The following CCBE1 variants were observed in gnomAD, a reference collection of about 807,000 sequenced individuals.
The protein encoded by CCBE1 is collagen and calcium-binding EGF domain-containing protein 1.
A neutral mutation model predicts 50.0 loss-of-function variants in CCBE1; 37 were observed. The ratio of observed to expected loss-of-function variants is 0.74; its 90% CI spans 0.57 to 0.97. The LOEUF (loss-of-function observed/expected upper bound fraction) is 0.97, where lower values mean the gene tolerates loss of function less well. Ranked by LOEUF, CCBE1 falls within the 50% of genes least tolerant of loss-of-function variation. The probability of loss-of-function intolerance (pLI) is 0.00; values close to 1 mark genes in which losing one functional copy is unlikely to be tolerated. For missense variants in CCBE1, 538 were observed against 523.8 expected (o/e 1.03, Z -0.26); for synonymous variants, 234 against 203.7 (o/e 1.15, Z -1.27).
intron 2 of CCBE1, among the ~76,000 whole-genome samples, chr18:59,560,516 A>G (rs990871495): frequency 1.3e-5 from 2 of 152,172 alleles, no homozygotes; most frequent in Non-Finnish European, 2.9e-5. Context: ...CTTAAAACCT[A>G]GATGATGGGT....
intron 2 of CCBE1, among the ~76,000 whole-genome samples, chr18:59,662,455 T>A (rs1228466275): frequency 1.3e-5 from 2 of 152,244 alleles, no homozygotes; most frequent in African/African-American, 2.4e-5. Context: ...TGTCATTTCC[T>A]AAATATTTTT....
At chr18:59,627,556 C>T (rs1009984924) in intron 2 of CCBE1, among the ~76,000 whole-genome samples, 3 of 152,176 alleles carry the variant, frequency 2.0e-5, no homozygotes, top group African/African-American at 7.2e-5. Flanking sequence ...TGAGGTCACA[C>T]TGGCTTAGAG....
At chr18:59,561,641 C>T (rs1336291998) in intron 2 of CCBE1, among the ~76,000 whole-genome samples, 1 of 152,196 alleles carries the variant, frequency 6.6e-6, no homozygotes, top group Non-Finnish European at 1.5e-5. Flanking sequence ...CTTGGCTCAG[C>T]TAAACATGGT....
At chr18:59,689,541 A>T (rs2054702065) in intron 2 of CCBE1, among the ~76,000 whole-genome samples, 1 of 152,244 alleles carries the variant, frequency 6.6e-6, no homozygotes, top group African/African-American at 2.4e-5. Context: ...CCCATTCTCT[A>T]CAGGTGTTTC....
intron 2 of CCBE1, among the ~76,000 whole-genome samples, chr18:59,581,217 CG>C (rs2144509846): frequency 6.6e-6 from 1 of 152,156 alleles, no homozygotes; most frequent in African/African-American, 2.4e-5. Context: ...CTGAGGTAGG[CG>C]GATCACGAGG....
chr18:59,628,092 T>G (rs2053810403), intron 2 of CCBE1, among the ~76,000 whole-genome samples: 1 of 152,134 alleles, frequency 6.6e-6, no homozygotes, highest in African/African-American at 2.4e-5. Context: ...TGCATGCCTG[T>G]AGTCCCAGCT....
rs3110309 is a variant in CCBE1 at position 59,541,356 on chromosome 18, G to C, written c.213-61118C>G. On this transcript the variant is annotated intron_variant, in intron 2 of 10. Coordinates refer to ENST00000439986, the MANE Select transcript of CCBE1 (RefSeq NM_133459.4). The stretch of plus-strand genomic sequence containing the variant: ...GAATTTCAACACCATATGTCAGGGA[G>C]GTTTATACCAAACATAGGCAAAAAA... 5.3e-3 allele frequency among the ~76,000 whole-genome samples: 805 copies of C among 152,140 alleles called. 6 individuals carry two copies. Among genetic ancestry groups the C allele is most frequent in the African/African-American group, 0.018 (762 of 41,504 alleles).
intron 2 of CCBE1, among the ~76,000 whole-genome samples, chr18:59,683,671 C>A (rs1218355201): frequency 2.0e-5 from 3 of 151,828 alleles, no homozygotes; most frequent in Non-Finnish European, 4.4e-5. Flanking sequence ...GTACTCCAGC[C>A]TGGGTGACAG....
At chr18:59,616,300 G>A (rs1180496732) in intron 2 of CCBE1, among the ~76,000 whole-genome samples, 1 of 152,178 alleles carries the variant, frequency 6.6e-6, no homozygotes, top group Non-Finnish European at 1.5e-5. Flanking sequence ...AAACAAAGAG[G>A]AGCCAGAGGC....
In CCBE1 at chr18:59,562,876, C is replaced by T. The variant is rs1385072566; in HGVS notation, c.213-82638G>A. ...TGCCATCACTGAGCCTGTGGCCAGG[C>T]CGCCTTAGAGGTTTCGATCTCGTTT... On this transcript the variant is annotated intron_variant, in intron 2 of 10. Coordinates refer to ENST00000439986, the MANE Select transcript of CCBE1 (RefSeq NM_133459.4). Among the ~76,000 whole-genome samples the T allele has an allele frequency of 3.1e-5, 4 of 129,716 alleles. No individual in the cohort carries two copies. The East Asian group carries it at 1.0e-3, about 33-fold the overall frequency. 85.1% of individuals were successfully genotyped at this position (129,716 alleles called of 152,430 possible).
At chr18:59,458,331 A>G (rs1911301318) in intron 5 of CCBE1, among the ~76,000 whole-genome samples, 1 of 152,232 alleles carries the variant, frequency 6.6e-6, no homozygotes, top group African/African-American at 2.4e-5. Flanking sequence ...AAGTGAGGAT[A>G]TCTGTTTAAC....
chr18:59,619,504 G>A (rs532948532), intron 2 of CCBE1, among the ~76,000 whole-genome samples: 1 of 152,258 alleles, frequency 6.6e-6, no homozygotes. Context: ...TTGTTGTAAA[G>A]GTACATGTTA....
chr18:59,495,685 G>A (rs948888143), intron 2 of CCBE1, among the ~76,000 whole-genome samples: 2 of 151,506 alleles, frequency 1.3e-5, no homozygotes, highest in East Asian at 3.9e-4. Context: ...ACTTGGAAGT[G>A]TTTTTGCAAA....
At chr18:59,466,324 G>A (rs8094515) in intron 5 of CCBE1, among the ~76,000 whole-genome samples, 52,620 of 151,652 alleles carry the variant, frequency 0.35, 10,446 homozygotes, top group East Asian at 0.89. Flanking sequence ...ATCAATACAA[G>A]GGGCAGTTCT....
intron 2 of CCBE1, among the ~76,000 whole-genome samples, chr18:59,665,246 C>T (rs947003241): frequency 1.3e-5 from 2 of 152,020 alleles, no homozygotes; most frequent in Admixed American, 6.6e-5. Context: ...ACTGCAACTT[C>T]AGGTGACAGA....
At chr18:59,565,627 A>T (rs1158349551) in intron 2 of CCBE1, among the ~76,000 whole-genome samples, 1 of 152,212 alleles carries the variant, frequency 6.6e-6, no homozygotes, top group Admixed American at 6.5e-5. Context: ...CTCATTTAAA[A>T]AATTAAGAAT....
At chr18:59,537,842 C>T (rs374310996) in intron 2 of CCBE1, among the ~76,000 whole-genome samples, 29 of 152,332 alleles carry the variant, frequency 1.9e-4, no homozygotes, top group African/African-American at 6.5e-4. Flanking sequence ...CCTCTCCCAG[C>T]AGTGTGCCCT....
chr18:59,466,336 C>T (rs987919648), intron 5 of CCBE1, among the ~76,000 whole-genome samples: 3 of 152,038 alleles, frequency 2.0e-5, no homozygotes, highest in East Asian at 1.9e-4. Flanking sequence ...GGCAGTTCTC[C>T]GGTACACGTT....
chr18:59,685,884 T>C (rs2054647487), intron 2 of CCBE1: 1 of 152,156 alleles, frequency 6.6e-6, no homozygotes, highest in African/African-American at 2.4e-5. Context: ...AGAATGCAAA[T>C]TGTGATTGGG....
Sources: allele counts gnomAD v4.1 joint callset (sites outside exome capture counted in the v4.1 genomes callset), GRCh38; gene constraint gnomAD v4.1.1; transcripts MANE v1.5; gene names NCBI Gene and HGNC (gene_info 2026-07-23, HGNC 2026-07-21).